The following PDK1 variants were observed in gnomAD, a reference collection of about 807,000 sequenced individuals.
The protein encoded by PDK1 is [Pyruvate dehydrogenase (acetyl-transferring)] kinase isozyme 1, mitochondrial.
A neutral mutation model predicts 54.2 loss-of-function variants in PDK1; 39 were observed. The observed-to-expected ratio is 0.72, with a 90% confidence interval of 0.56 to 0.94. The LOEUF is 0.94. PDK1 is among the 40% of genes least tolerant of loss of function. The pLI is 0.00. For missense variants in PDK1, 552 were observed against 566.0 expected (o/e 0.98, Z 0.25); for synonymous variants, 221 against 207.1 (o/e 1.07, Z -0.58).
chr2:172,630,863 C>G, the PDK1 span, among the ~76,000 whole-genome samples: 1 of 152,170 alleles, frequency 6.6e-6, no homozygotes, highest in Non-Finnish European at 1.5e-5. Context: ...CTCCTGACCT[C>G]AAGCGATCCT....
chr2:172,671,801 A>T, the PDK1 span, among the ~76,000 whole-genome samples: 1 of 152,168 alleles, frequency 6.6e-6, no homozygotes, highest in African/African-American at 2.4e-5. Context: ...GTAATAGTTT[A>T]TCATTGCCCT....
At chr2:172,694,869 C>T in the PDK1 span, among the ~76,000 whole-genome samples, 1 of 152,336 alleles carries the variant, frequency 6.6e-6, no homozygotes, top group African/African-American at 2.4e-5. Context: ...GTAATCCCAG[C>T]ACTTTGGTAG....
chr2:172,694,625 G>A, the PDK1 span, among the ~76,000 whole-genome samples: 1 of 152,290 alleles, frequency 6.6e-6, no homozygotes, highest in African/African-American at 2.4e-5. Context: ...TGCGCCCTGT[G>A]ATGGAATGTC....
At chr2:172,612,240 C>T (rs1691485196), downstream of PDK1, among the ~76,000 whole-genome samples, 1 of 152,162 alleles carries the variant, frequency 6.6e-6, no homozygotes, top group Non-Finnish European at 1.5e-5. Context: ...GCCAAGATAG[C>T]AATTCCCAGA....
the PDK1 span, among the ~76,000 whole-genome samples, chr2:172,659,111 C>T: frequency 5.3e-5 from 8 of 152,136 alleles, no homozygotes; most frequent in African/African-American, 1.9e-4. Context: ...TTTTGTGGCT[C>T]AGGTGGGCAT....
intron 8 of PDK1, among the ~76,000 whole-genome samples, chr2:172,577,194 G>A (rs1317881098): frequency 6.6e-6 from 1 of 151,992 alleles, no homozygotes; most frequent in African/African-American, 2.4e-5. Context: ...ATTAAAAAAT[G>A]TACTATTTTG....
At chr2:172,646,499 C>T in the PDK1 span, among the ~76,000 whole-genome samples, 1 of 91,018 alleles carries the variant, frequency 1.1e-5, no homozygotes, top group African/African-American at 3.3e-5. Flanking sequence ...ATAAACACAT[C>T]GAAGGCAAAA....
the PDK1 span, among the ~76,000 whole-genome samples, chr2:172,634,782 A>G: frequency 1.3e-5 from 2 of 152,036 alleles, no homozygotes; most frequent in Non-Finnish European, 2.9e-5. Flanking sequence ...CAAAAAAAAA[A>G]AAAAAAGATA....
intron 7 of PDK1, chr2:172,570,506 T>C: frequency 2.5e-6 from 1 of 395,178 alleles, no homozygotes; most frequent in Non-Finnish European, 4.5e-6. Context: ...CTTTGGAAAA[T>C]AAGCAAAATT....
chr2:172,623,353 G>T, the PDK1 span, among the ~76,000 whole-genome samples: 1 of 152,196 alleles, frequency 6.6e-6, no homozygotes, highest in Admixed American at 6.5e-5. Context: ...GTTCTGAGCA[G>T]CTATGATTCC....
chr2:172,706,694 G>T, the PDK1 span, among the ~76,000 whole-genome samples: 1 of 152,172 alleles, frequency 6.6e-6, no homozygotes, highest in African/African-American at 2.4e-5. Flanking sequence ...CTCCCAAAGT[G>T]CTGGGATTAC....
chr2:172,661,879 C>T, the PDK1 span, among the ~76,000 whole-genome samples: 1 of 152,286 alleles, frequency 6.6e-6, no homozygotes, highest in Non-Finnish European at 1.5e-5. Flanking sequence ...GTGACGGGAT[C>T]ATTCGTATCT....
chr2:172,584,488 C>T (rs945309411), intron 8 of PDK1, among the ~76,000 whole-genome samples: 2 of 151,202 alleles, frequency 1.3e-5, no homozygotes, highest in Non-Finnish European at 2.9e-5. Flanking sequence ...TTAGAATGTA[C>T]TTTCTTTTAC....
the PDK1 span, among the ~76,000 whole-genome samples, chr2:172,715,001 G>T: frequency 6.6e-6 from 1 of 152,170 alleles, no homozygotes; most frequent in African/African-American, 2.4e-5. Context: ...GTTATTTACA[G>T]AATTTCCCTA....
chr2:172,570,776 C>T lies in PDK1; in HGVS notation c.897C>T (p.Pro299=). 2 of 1,612,250 alleles carry T rather than the reference C, an allele frequency of 1.2e-6. No individual in the cohort carries two copies. Among genetic ancestry groups the T allele is most frequent in the South Asian group, 1.1e-5 (1 of 90,996 alleles). Residue 299 remains proline (P), a synonymous_variant, in exon 8 of 11, where the codon CCC becomes CCT. Coordinates refer to ENST00000282077, the MANE Select transcript of PDK1 (RefSeq NM_002610.5). ...ACCATGCCAACAGAGGTGTTTACCC[C>T]CCTATTCAAGTTCATGTCACGCTGG... ...MEHHANRGVY[P]PIQVHVTLGN...
chr2:172,636,532 C>A, the PDK1 span, among the ~76,000 whole-genome samples: 1 of 152,014 alleles, frequency 6.6e-6, no homozygotes, highest in Non-Finnish European at 1.5e-5. Context: ...CCAGCCTGGT[C>A]AACATGGTGA....
intron 6 of PDK1, among the ~76,000 whole-genome samples, chr2:172,568,174 A>T (rs1689055107): frequency 6.6e-6 from 1 of 151,934 alleles, no homozygotes; most frequent in Admixed American, 6.6e-5. Flanking sequence ...CTACTAAAAG[A>T]AAAATCAGCC....
the PDK1 span, among the ~76,000 whole-genome samples, chr2:172,704,984 G>A: frequency 2.0e-5 from 3 of 152,018 alleles, no homozygotes; most frequent in African/African-American, 7.3e-5. Context: ...AACAAACAGA[G>A]AAAACAAAGG....
At chr2:172,613,722 GTAA>G in the PDK1 span, among the ~76,000 whole-genome samples, 13 of 152,300 alleles carry the variant, frequency 8.5e-5, no homozygotes, top group Admixed American at 7.2e-4. Context: ...TTAAAAATGT[GTAA>G]TAATGATGCC....
Sources: allele counts gnomAD v4.1 joint callset (sites outside exome capture counted in the v4.1 genomes callset), GRCh38; gene constraint gnomAD v4.1.1; transcripts MANE v1.5; gene names NCBI Gene and HGNC (gene_info 2026-07-23, HGNC 2026-07-21).